FHIT: variants seen among roughly 807,000 people sequenced by gnomAD.
The protein encoded by FHIT is fragile histidine triad diadenosine triphosphatase.
In FHIT, 19 loss-of-function variants were observed where a neutral mutation model predicts 17.9. The observed-to-expected ratio is 1.06, with a 90% CI of 0.74 to 1.56. The LOEUF (loss-of-function observed/expected upper bound fraction) is 1.56, where lower values mean the gene tolerates loss of function less well. Ranked by LOEUF, FHIT falls within the 40% of genes most tolerant of loss-of-function variation. The pLI, the probability that FHIT is intolerant of heterozygous loss-of-function variation, is 0.00. For synonymous variants in FHIT, 81 were observed against 69.7 expected (o/e 1.16, Z -0.81); for missense variants, 248 against 189.2 (o/e 1.31, Z -1.82).
At chr3:60,027,232 T>A (rs1009588478) in intron 5 of FHIT, among the ~76,000 whole-genome samples, 2 of 148,166 alleles carry the variant, frequency 1.3e-5, no homozygotes, top group Non-Finnish European at 3.0e-5. Flanking sequence ...TCATTTTGTA[T>A]ATAACTGAAA....
chr3:60,966,374 C>A (rs1412178923), intron 3 of FHIT, among the ~76,000 whole-genome samples: 2 of 152,210 alleles, frequency 1.3e-5, no homozygotes, highest in South Asian at 4.1e-4. Flanking sequence ...ATTCCCCAAC[C>A]CCTTGCACTT....
intron 4 of FHIT, among the ~76,000 whole-genome samples, chr3:60,642,152 C>G (rs901575079): frequency 7.3e-5 from 11 of 151,596 alleles, no homozygotes; most frequent in Admixed American, 4.6e-4. Flanking sequence ...TCCCATTGAC[C>G]AAGCCCAAAC....
intron 5 of FHIT, among the ~76,000 whole-genome samples, chr3:60,077,733 T>TAGAGAG (rs576678931): frequency 6.6e-5 from 3 of 45,134 alleles, no homozygotes; most frequent in African/African-American, 1.0e-4. Flanking sequence ...CACACACATA[T>TAGAGAG]ATAGAGGGGG....
At chr3:60,227,778 A>G (rs1704287601) in intron 5 of FHIT, among the ~76,000 whole-genome samples, 1 of 152,158 alleles carries the variant, frequency 6.6e-6, no homozygotes. Flanking sequence ...GTAGAATGAA[A>G]GTGACTGATT....
At chr3:60,548,000 C>T (rs1337893163) in intron 4 of FHIT, among the ~76,000 whole-genome samples, 1 of 152,118 alleles carries the variant, frequency 6.6e-6, no homozygotes. Flanking sequence ...GTAACGAAAT[C>T]TCTTTTGGTA....
intron 5 of FHIT, among the ~76,000 whole-genome samples, chr3:60,135,406 C>T (rs1003311339): frequency 2.0e-5 from 3 of 152,068 alleles, no homozygotes; most frequent in Admixed American, 6.6e-5. Flanking sequence ...AGACTCTATC[C>T]CTACACCCTG....
At chr3:61,053,813 G>A (rs894527406) in intron 2 of FHIT, among the ~76,000 whole-genome samples, 1 of 152,150 alleles carries the variant, frequency 6.6e-6, no homozygotes, top group African/African-American at 2.4e-5. Context: ...GCACAATATG[G>A]AAGAGAGAAA....
chr3:60,774,817 G>A (rs377045113), intron 4 of FHIT, among the ~76,000 whole-genome samples: 1 of 152,094 alleles, frequency 6.6e-6, no homozygotes, highest in African/African-American at 2.4e-5. Context: ...CAGATACATG[G>A]GATGATTCAT....
intron 4 of FHIT, among the ~76,000 whole-genome samples, chr3:60,602,806 G>A (rs2038488072): frequency 6.6e-6 from 1 of 152,104 alleles, no homozygotes; most frequent in Non-Finnish European, 1.5e-5. Flanking sequence ...TCATGACTGG[G>A]ATTAGTGCCT....
chr3:60,923,910 T>A (rs1707428642), intron 3 of FHIT, among the ~76,000 whole-genome samples: 1 of 152,206 alleles, frequency 6.6e-6, no homozygotes. Context: ...CAGGAGATTA[T>A]ATCCTGCACC....
At chr3:59,809,112 C>T (rs1310211025) in intron 8 of FHIT, among the ~76,000 whole-genome samples, 3 of 152,186 alleles carry the variant, frequency 2.0e-5, no homozygotes, top group African/African-American at 7.2e-5. Flanking sequence ...TTAAGGAACA[C>T]ATACTGGGTT....
At chr3:59,950,462 G>A (rs370877515) in intron 7 of FHIT, among the ~76,000 whole-genome samples, 42 of 152,196 alleles carry the variant, frequency 2.8e-4, no homozygotes, top group African/African-American at 9.6e-4. Context: ...TTCCATGACC[G>A]ATCCTCCAAT....
chr3:61,067,301 CATGGTG>C (rs2034644516), intron 2 of FHIT, among the ~76,000 whole-genome samples: 1 of 152,144 alleles, frequency 6.6e-6, no homozygotes, highest in Admixed American at 6.5e-5. Flanking sequence ...ACTATGTACT[CATGGTG>C]ATGGTTTGTT....
At chr3:59,963,806 T>C (rs556383441) in intron 7 of FHIT, among the ~76,000 whole-genome samples, 55 of 152,316 alleles carry the variant, frequency 3.6e-4, no homozygotes, top group African/African-American at 1.3e-3. Flanking sequence ...ATCTTTAAAA[T>C]AGCGTGTGAA....
intron 4 of FHIT, among the ~76,000 whole-genome samples, chr3:60,621,398 C>T (rs2039125554): frequency 6.6e-6 from 1 of 152,030 alleles, no homozygotes; most frequent in South Asian, 2.1e-4. Context: ...ATCTGCCCGC[C>T]TCAGCCTCCC....
intron 5 of FHIT, among the ~76,000 whole-genome samples, chr3:60,457,837 C>T (rs1396857499): frequency 6.6e-6 from 1 of 151,982 alleles, no homozygotes; most frequent in Non-Finnish European, 1.5e-5. Context: ...AAAAAACGCT[C>T]ATCATCACTG....
At chr3:60,622,631 T>A (rs1553679234) in intron 4 of FHIT, among the ~76,000 whole-genome samples, 1 of 152,250 alleles carries the variant, frequency 6.6e-6, no homozygotes, top group African/African-American at 2.4e-5. Context: ...GCTGATTGGA[T>A]GCATGCATTA....
At chr3:61,164,386 C>T (rs998639232) in intron 2 of FHIT, among the ~76,000 whole-genome samples, 1 of 152,176 alleles carries the variant, frequency 6.6e-6, no homozygotes, top group Non-Finnish European at 1.5e-5. Flanking sequence ...CTGATGAAAT[C>T]AGAAACTCTG....
In FHIT at chr3:60,027,131, ACACACACACAC is replaced by A. The variant is rs1379044154; in HGVS notation, c.104-12990_104-12980del. On this transcript the variant is annotated intron_variant, in intron 5 of 9. Transcript: ENST00000492590. ...CAGACACACACACACACACACACACACACACACACACACACACAAAATTAGTAAACCCAATA... is the reference window on the plus strand; with the variant it reads ...CAGACACACACACACACACACACACAACACACAAAATTAGTAAACCCAATA... 3.2e-3 allele frequency among the ~76,000 whole-genome samples: 427 copies of A among 132,228 alleles called. 1 individual carries two copies. The highest frequency in any genetic ancestry group is 0.012 in the African/African-American group (389 of 32,808). 86.7% of individuals were successfully genotyped at this position (132,228 alleles called of 152,430 possible).
Sources: allele counts gnomAD v4.1 joint callset (sites outside exome capture counted in the v4.1 genomes callset), GRCh38; gene constraint gnomAD v4.1.1; transcripts MANE v1.5; gene names NCBI Gene and HGNC (gene_info 2026-07-23, HGNC 2026-07-21).